DSG4: variants seen among roughly 807,000 people sequenced by gnomAD.
DSG4 encodes desmoglein-4.
DSG4 carries 87 observed loss-of-function variants against 93.1 expected under a neutral mutation model. The observed-to-expected ratio is 0.93, with a 90% CI of 0.79 to 1.12. The LOEUF is 1.12. Ranked by LOEUF, DSG4 falls within the 50% of genes most tolerant of loss-of-function variation. The probability of loss-of-function intolerance (pLI) is 0.00; values close to 1 mark genes in which losing one functional copy is unlikely to be tolerated. For missense variants in DSG4, 1,373 were observed against 1,285.7 expected (o/e 1.07, Z -1.04); for synonymous variants, 432 against 452.9 (o/e 0.95, Z 0.59).
chr18:31,404,673 A>G (rs893308311), intron 11 of DSG4, among the ~76,000 whole-genome samples: 2 of 152,174 alleles, frequency 1.3e-5, no homozygotes, highest in Non-Finnish European at 2.9e-5. Flanking sequence ...AAATTAGGCA[A>G]TTTGTTTTTA....
At chr18:31,384,284 C>G (rs1249397847) in intron 1 of DSG4, among the ~76,000 whole-genome samples, 1 of 151,826 alleles carries the variant, frequency 6.6e-6, no homozygotes, top group Non-Finnish European at 1.5e-5. Context: ...TTTGTTTGCT[C>G]AATTGTGATG....
Position 31,388,984 on chromosome 18 carries a change from A to G in DSG4, c.483A>G (p.Val161=). The G allele has an allele frequency of 6.2e-7, 1 of 1,613,496 alleles. No homozygotes were observed. Among genetic ancestry groups the G allele is most frequent in the Non-Finnish European group, 8.5e-7 (1 of 1,179,552 alleles). Residue 161 remains valine (V), a synonymous_variant, in exon 5 of 16, where the codon GTA becomes GTG. Coordinates refer to ENST00000308128, the MANE Select transcript of DSG4 (RefSeq NM_177986.5). ...NDNAPVFSQS[V]YTASIEENSD... ...ACGCTCCAGTCTTTTCGCAAAGTGTATACACAGCCAGCATTGAAGAAAATA... is the reference window on the plus strand; with the variant it reads ...ACGCTCCAGTCTTTTCGCAAAGTGTGTACACAGCCAGCATTGAAGAAAATA...
At position 31,392,175 on chromosome 18, in the gene DSG4, G is replaced by C. The variant is rs1235491215; in HGVS notation, c.840G>C (p.Glu280Asp). Reference protein sequence around the residue: ...EKTSYSASIEENCLSSELIRL... With the variant: ...EKTSYSASIEDNCLSSELIRL... ...TTTAGTACTCAGCCAGTATTGAAGA[G>C]AATTGTTTAAGTTCGGAACTGATAC... The change falls in exon 8 of 16, where the codon GAG (glutamate) becomes GAC (aspartate). Residue 280 changes from glutamate to aspartate, a missense_variant. Coordinates refer to ENST00000308128, the MANE Select transcript of DSG4 (RefSeq NM_177986.5). 1.2e-6 allele frequency: 2 copies of C among 1,613,650 alleles called. No individual in the cohort carries two copies. The highest frequency in any genetic ancestry group is 1.1e-5 in the South Asian group (1 of 91,062).
chr18:31,406,533 C>A (rs1226501080), intron 12 of DSG4, among the ~76,000 whole-genome samples, 160 bp downstream of exon 12: 1 of 152,154 alleles, frequency 6.6e-6, no homozygotes, highest in Non-Finnish European at 1.5e-5. Context: ...AATATATGCG[C>A]TTAATCCACA....
chr18:31,399,602 T>C lies in DSG4; in HGVS notation c.1277+59T>C. 1.9e-6 allele frequency: 3 copies of C among 1,605,802 alleles called. No homozygotes were observed. The South Asian group carries it at 3.3e-5, about 18-fold the overall frequency. ...CTATCCAGTGTTAATTCATGTAGCA[T>C]GCGCTAATATATGTTGGTTGTAATA... On this transcript the variant is annotated intron_variant, in intron 9 of 15. Coordinates refer to ENST00000308128, the MANE Select transcript of DSG4 (RefSeq NM_177986.5).
intron 8 of DSG4, among the ~76,000 whole-genome samples, chr18:31,393,869 ATTAAC>A (rs1185725575): frequency 6.6e-6 from 1 of 152,228 alleles, no homozygotes; most frequent in Non-Finnish European, 1.5e-5. Context: ...CATATGGTAT[ATTAAC>A]TTAAGAGCTG....
chr18:31,377,890 TG>T (rs762709820), intron 1 of DSG4, among the ~76,000 whole-genome samples: 3 of 152,326 alleles, frequency 2.0e-5, no homozygotes, highest in East Asian at 3.9e-4. Flanking sequence ...GCTTAGAAAG[TG>T]ATTCCCATCC....
rs1413912371 is a variant in DSG4, at chr18:31,399,538, T to A, written c.1272T>A (p.Asp424Glu). ...TGGACACAGGAAACCCTGCAACAGA[T>A]GTCAGGTACTGCAACTATTTTCTTC... Reference protein sequence around the residue: ...IDLDTGNPATDVRYIIGHDAG... With the variant: ...IDLDTGNPATEVRYIIGHDAG... Residue 424 changes from aspartate to glutamate, a missense_variant, in exon 9 of 16, where the codon GAT becomes GAA. Coordinates refer to ENST00000308128, the MANE Select transcript of DSG4 (RefSeq NM_177986.5). 1 of 1,613,960 alleles carries A rather than the reference T, an allele frequency of 6.2e-7. No homozygotes were observed. Among genetic ancestry groups the A allele is most frequent in the Non-Finnish European group, 8.5e-7 (1 of 1,179,892 alleles).
At chr18:31,401,828 C>T (rs1052574493) in intron 10 of DSG4, among the ~76,000 whole-genome samples, 11 of 152,118 alleles carry the variant, frequency 7.2e-5, no homozygotes, top group Non-Finnish European at 2.9e-5. Flanking sequence ...TATAGCTGAC[C>T]TTTCCAGTAT....
At chr18:31,378,366 C>A (rs2144153248) in intron 1 of DSG4, among the ~76,000 whole-genome samples, 1 of 152,236 alleles carries the variant, frequency 6.6e-6, no homozygotes, top group Non-Finnish European at 1.5e-5. Flanking sequence ...TATATTCATG[C>A]TTTGACTCAG....
At chr18:31,400,254 A>G (rs2072350273) in intron 9 of DSG4, among the ~76,000 whole-genome samples, 1 of 152,188 alleles carries the variant, frequency 6.6e-6, no homozygotes, top group South Asian at 2.1e-4. Context: ...TTTAGTTATT[A>G]AATCAGTTAA....
chr18:31,409,385 G>T, intron 12 of DSG4, 67 bp from the exon 13 acceptor site: 1 of 1,611,066 alleles, frequency 6.2e-7, no homozygotes, highest in South Asian at 1.1e-5. Context: ...TCCCCAGAAT[G>T]ATTCATCCAG....
chr18:31,409,769 A>G lies in DSG4; in HGVS notation c.2098A>G (p.Met700Val), dbSNP rs776659913. Reference protein sequence around the residue: ...DRDVSNICAPMTASNTQDRMD... With the variant: ...DRDVSNICAPVTASNTQDRMD... ...GGATGTGTCAAATATATGTGCACCC[A>G]TGACAGCCTCAAATACCCAGGATCG... Residue 700 changes from methionine to valine, a missense_variant, in exon 14 of 16, where the codon ATG (methionine) becomes GTG (valine). By Grantham distance (21) the Met-to-Val change is conservative. Transcript: ENST00000308128. 6.8e-6 allele frequency: 11 copies of G among 1,614,062 alleles called. No homozygotes were observed. In the Admixed American group the frequency reaches 1.7e-4, roughly 24 times the overall value.
intron 14 of DSG4, among the ~76,000 whole-genome samples, chr18:31,410,060 C>T (rs1049707325): frequency 2.6e-5 from 4 of 152,136 alleles, no homozygotes; most frequent in Non-Finnish European, 4.4e-5. Context: ...CCCAGCTCTG[C>T]CACTTGCTTA....
rs750960537 is a variant in DSG4 at position 31,409,512 on chromosome 18, C to A, written c.1994C>A (p.Thr665Lys). The change falls in exon 13 of 16, where the codon ACA (threonine) becomes AAA (lysine). Residue 665 changes from threonine (T) to lysine (K), a missense_variant. Coordinates refer to ENST00000308128, the MANE Select transcript of DSG4 (RefSeq NM_177986.5). ...CAGAGACAGCCAGAAGGCCTGGGAA[C>A]AAGATTTGCTCCTGTGCCTGAGGGC... ...CKQRQPEGLG[T>K]RFAPVPEGGE... The A allele has an allele frequency of 7.4e-6, 12 of 1,614,142 alleles. No individual in the cohort carries two copies. The highest frequency in any genetic ancestry group is 1.0e-5 in the Non-Finnish European group (12 of 1,180,034).
At chr18:31,403,095 A>G (rs911911146) in intron 10 of DSG4, among the ~76,000 whole-genome samples, 20 of 152,200 alleles carry the variant, frequency 1.3e-4, no homozygotes, top group African/African-American at 4.6e-4. Flanking sequence ...GAGGAAGAAC[A>G]TTTGATTTTG....
intron 14 of DSG4, 131 bp downstream of exon 14, chr18:31,409,939 G>A: frequency 5.6e-6 from 6 of 1,079,712 alleles, no homozygotes; most frequent in East Asian, 2.6e-5. Flanking sequence ...TAGAGGGAAT[G>A]TGACCTGTTT....
intron 5 of DSG4, among the ~76,000 whole-genome samples, chr18:31,389,836 C>T (rs1158815800): frequency 6.6e-6 from 1 of 152,052 alleles, no homozygotes; most frequent in Admixed American, 6.6e-5. Flanking sequence ...TAGGATAGTC[C>T]TCCCATAGAG....
At chr18:31,400,855 TA>T in intron 9 of DSG4, 25 bp from the exon 10 acceptor site, 3 of 1,610,002 alleles carry the variant, frequency 1.9e-6, no homozygotes, top group Non-Finnish European at 2.5e-6. Flanking sequence ...AAAAGCATGA[TA>T]ACGAACTTTT....
Sources: allele counts gnomAD v4.1 joint callset (sites outside exome capture counted in the v4.1 genomes callset), GRCh38; gene constraint gnomAD v4.1.1; transcripts MANE v1.5; gene names NCBI Gene and HGNC (gene_info 2026-07-23, HGNC 2026-07-21).